The following PCDHGB2 variants were observed in gnomAD, a reference collection of about 807,000 sequenced individuals.
PCDHGB2 encodes the protein protocadherin gamma subfamily B, 2, also known as protocadherin gamma-B2.
Under a neutral mutation model 59.3 loss-of-function variants are expected in PCDHGB2, and 55 were observed. The observed-to-expected ratio is 0.93, with a 90% CI of 0.75 to 1.16. PCDHGB2 has a LOEUF of 1.16. Among genes scored for constraint, PCDHGB2 ranks in the 50% most tolerant of loss-of-function variants. The probability of loss-of-function intolerance (pLI) is 0.00; values close to 1 mark genes in which losing one functional copy is unlikely to be tolerated. For synonymous variants in PCDHGB2, 516 were observed against 512.0 expected (o/e 1.01, Z -0.11); for missense variants, 1,228 against 1,198.5 (o/e 1.02, Z -0.36).
rs760747309 is a variant in PCDHGB2, at chr5:141,477,613, A to G, written c.2422-17194A>G. 1.2e-6 allele frequency: 2 copies of G among 1,614,210 alleles called. No individual in the cohort carries two copies. Among genetic ancestry groups the G allele is most frequent in the Non-Finnish European group, 8.5e-7 (1 of 1,180,044 alleles). ...GGCTTTCTTTCTTTCTCTTGGAGCA[A>G]GGAGCTGAAACCGGGCTAGTGGGTC... On this transcript the variant is annotated intron_variant, in intron 1 of 3. Coordinates refer to ENST00000522605, the MANE Select transcript of PCDHGB2 (RefSeq NM_018923.3). This position sits in a 1 kb window ranked among gnomAD's most constrained non-coding sequence, Gnocchi z 4.9.
intron 1 of PCDHGB2, among the ~76,000 whole-genome samples, chr5:141,368,131 T>G (rs1463973609): frequency 6.6e-6 from 1 of 152,198 alleles, no homozygotes; most frequent in Non-Finnish European, 1.5e-5. Flanking sequence ...TTCTTAATCC[T>G]TCAAATTTTG....
rs776718024 is a variant in PCDHGB2 at position 141,486,333 on chromosome 5, T to C, written c.2422-8474T>C. 8.1e-6 allele frequency: 13 copies of C among 1,614,080 alleles called. No individual in the cohort carries two copies. Among genetic ancestry groups the C allele is most frequent in the Non-Finnish European group, 1.1e-5 (13 of 1,179,998 alleles). On this transcript the variant is annotated intron_variant, in intron 1 of 3. Coordinates refer to ENST00000522605, the MANE Select transcript of PCDHGB2 (RefSeq NM_018923.3). The surrounding 1 kb of genome is among the most constrained non-coding windows in gnomAD (Gnocchi z 5.0). ...TCAGGGTCAAACGGAGATGTGAGCC[T>C]CCGCATTCCTGACCACTTGCCATTT...
At chr5:141,497,771 C>T (rs2099779314) in intron 2 of PCDHGB2, among the ~76,000 whole-genome samples, 1 of 152,154 alleles carries the variant, frequency 6.6e-6, no homozygotes, top group Non-Finnish European at 1.5e-5. Context: ...ACTCCCCGAC[C>T]TCAACTGATC....
rs1449911634 is a variant in PCDHGB2 at position 141,384,593 on chromosome 5, C to T, written c.2421+22037C>T. On this transcript the variant is annotated intron_variant, in intron 1 of 3. Transcript: ENST00000522605. ...GACAACCCGCCCGAGATCCTGTACC[C>T]GGCCCTCCCCACAGATGGTTCTACT... 3 of 1,614,252 alleles carry T rather than the reference C, an allele frequency of 1.9e-6. No individual in the cohort carries two copies. The highest frequency in any genetic ancestry group is 4.5e-5 in the East Asian group (2 of 44,888).
In PCDHGB2 at chr5:141,412,906, T is replaced by C. The variant is rs188124118; in HGVS notation, c.2421+50350T>C. ...ACAGAATAGTTTACTTTCCATTGCA[T>C]GTATCACTTGGGTGCAGTAACTTCT... On this transcript the variant is annotated intron_variant, in intron 1 of 3. Coordinates refer to ENST00000522605, the MANE Select transcript of PCDHGB2 (RefSeq NM_018923.3). 315 of 384,208 alleles carry C rather than the reference T, an allele frequency of 8.2e-4. 2 individuals carry two copies. Among genetic ancestry groups the C allele is most frequent in the African/African-American group, 5.6e-3 (272 of 48,326 alleles). The allele number at this position is 384,208 out of a possible 1,614,324, so 23.8% of individuals were successfully genotyped here. A position where few individuals can be genotyped will look rare whatever the true frequency, so the allele number is the denominator to read the frequency against.
Position 141,478,415 on chromosome 5 carries a change from C to A in PCDHGB2, c.2422-16392C>A, listed in dbSNP as rs182700706. 5.6e-6 allele frequency: 9 copies of A among 1,613,648 alleles called. No homozygotes were observed. In the East Asian group the frequency reaches 2.0e-4, roughly 36 times the overall value. ...TCAGGTGTATCTCACCACGGACTCC[C>A]GCCGCAGCGACCCGCTGCTGAAGAA... On this transcript the variant is annotated intron_variant, in intron 1 of 3. Coordinates refer to ENST00000522605, the MANE Select transcript of PCDHGB2 (RefSeq NM_018923.3).
intron 1 of PCDHGB2, chr5:141,397,859 C>T: frequency 1.8e-6 from 1 of 559,674 alleles, no homozygotes. Context: ...CTGTAGTTTC[C>T]TAGTGCTGAC....
chr5:141,420,415 T>G, intron 1 of PCDHGB2: 1 of 1,217,298 alleles, frequency 8.2e-7, no homozygotes, highest in Non-Finnish European at 1.1e-6. Flanking sequence ...TTATCATTAT[T>G]AAAACAAAAG....
Position 141,477,914 on chromosome 5 carries a change from G to T in PCDHGB2, c.2422-16893G>T. On this transcript the variant is annotated intron_variant, in intron 1 of 3. Coordinates refer to ENST00000522605, the MANE Select transcript of PCDHGB2 (RefSeq NM_018923.3). The surrounding 1 kb of genome is among the most constrained non-coding windows in gnomAD (Gnocchi z 4.9). ...ACGGGTGGTAGGCTGGGACGCGGAT[G>T]CAGGGCACAATGCCTGGCTCTCCTA... 2 of 1,614,204 alleles carry T rather than the reference G, an allele frequency of 1.2e-6. No homozygotes were observed. The highest frequency in any genetic ancestry group is 1.7e-6 in the Non-Finnish European group (2 of 1,180,044).
intron 2 of PCDHGB2, among the ~76,000 whole-genome samples, chr5:141,496,206 A>C (rs2099766963): frequency 6.6e-6 from 1 of 152,126 alleles, no homozygotes; most frequent in South Asian, 2.1e-4. Context: ...TCAATCTGGT[A>C]TGAATTCCTG....
intron 1 of PCDHGB2, among the ~76,000 whole-genome samples, chr5:141,401,290 C>T (rs1460193254): frequency 6.6e-6 from 1 of 151,710 alleles, no homozygotes; most frequent in Non-Finnish European, 1.5e-5. Flanking sequence ...TGCGGTGAGC[C>T]GAGATCACTC....
At chr5:141,366,692 A>C (rs777934534) in intron 1 of PCDHGB2, 1 of 1,614,256 alleles carries the variant, frequency 6.2e-7, no homozygotes, top group Non-Finnish European at 8.5e-7. Flanking sequence ...CTGTGAGAAA[A>C]GCGAGCCTCT....
chr5:141,414,434 C>A (rs774467993), intron 1 of PCDHGB2: 2 of 1,613,822 alleles, frequency 1.2e-6, no homozygotes, highest in Non-Finnish European at 8.5e-7. Flanking sequence ...GAACAGGTAT[C>A]CTCTTACAAT....
rs756146067 is a variant in PCDHGB2, at chr5:141,477,534, G to C, written c.2422-17273G>C. On this transcript the variant is annotated intron_variant, in intron 1 of 3. Transcript: ENST00000522605. This position sits in a 1 kb window ranked among gnomAD's most constrained non-coding sequence, Gnocchi z 4.9. ...TACATTGAAGAAAACAACCTCCCCG[G>C]GGCTCCAATACTAAACCTAAGTGTC... 1.9e-6 allele frequency: 3 copies of C among 1,614,008 alleles called. No homozygotes were observed. Among genetic ancestry groups the C allele is most frequent in the East Asian group, 4.5e-5 (2 of 44,870 alleles).
intron 1 of PCDHGB2, among the ~76,000 whole-genome samples, chr5:141,457,620 A>G (rs2098925834): frequency 6.6e-6 from 1 of 152,234 alleles, no homozygotes; most frequent in Admixed American, 6.5e-5. Flanking sequence ...ATGAACTTTA[A>G]TCTTATACTT....
intron 3 of PCDHGB2, among the ~76,000 whole-genome samples, chr5:141,506,923 C>G: frequency 6.6e-6 from 1 of 152,184 alleles, no homozygotes; most frequent in African/African-American, 2.4e-5. Flanking sequence ...ACATACTAAA[C>G]AAACTTTAGG....
chr5:141,466,148 G>A (rs1201643685), intron 1 of PCDHGB2, among the ~76,000 whole-genome samples: 1 of 151,814 alleles, frequency 6.6e-6, no homozygotes, highest in Non-Finnish European at 1.5e-5. Flanking sequence ...GAAAACTCTG[G>A]TCTTAAACTG....
chr5:141,426,559 C>T (rs1401963895), intron 1 of PCDHGB2: 1 of 353,038 alleles, frequency 2.8e-6, no homozygotes, highest in Non-Finnish European at 5.6e-6. Context: ...CAGAATAGAT[C>T]GAGAGTCACT....
intron 1 of PCDHGB2, chr5:141,405,556 C>T: frequency 1.6e-6 from 1 of 619,826 alleles, no homozygotes; most frequent in East Asian, 2.7e-5. Context: ...AGTAGAGTAG[C>T]TGGGACTAGA....
Sources: gnomAD v4.1 joint callset for allele counts (sites outside exome capture counted in the v4.1 genomes callset) on GRCh38, gnomAD v4.1.1 for gene constraint, Gnocchi (gnomAD v3.1) non-coding constraint, MANE v1.5 for transcripts, NCBI Gene and HGNC (gene_info 2026-07-23, HGNC 2026-07-21) for gene names.